The following TBL1X variants were observed in gnomAD, a reference collection of about 807,000 sequenced individuals.
The protein encoded by TBL1X is F-box-like/WD repeat-containing protein TBL1X.
TBL1X carries 10 observed loss-of-function variants against 50.7 expected under a neutral mutation model. The observed-to-expected ratio is 0.20, with a 90% CI of 0.12 to 0.33. TBL1X has a LOEUF of 0.33. Ranked by LOEUF, TBL1X falls within the 10% of genes least tolerant of loss-of-function variation. The pLI, the probability that TBL1X is intolerant of heterozygous loss-of-function variation, is 1.00. For missense variants in TBL1X, 340 were observed against 504.4 expected (o/e 0.67, Z 3.12); for synonymous variants, 190 against 214.7 (o/e 0.88, Z 1.01).
intron 2 of TBL1X, among the ~76,000 whole-genome samples, chrX:9,585,952 A>G (rs945742390): frequency 3.6e-5 from 4 of 111,988 alleles, no homozygotes; most frequent in Middle Eastern, 4.2e-3. Flanking sequence ...TAAACTACAC[A>G]TTAATGTGGG....
At chrX:9,684,687 C>G (rs1232974797) in intron 6 of TBL1X, among the ~76,000 whole-genome samples, 3 of 109,613 alleles carry the variant, frequency 2.7e-5, no homozygotes, top group African/African-American at 1.0e-4. Flanking sequence ...CACACAGCAG[C>G]AAGCTTCCAG....
At position 9,465,428 on chromosome X, in the gene TBL1X, G is replaced by A. The variant is rs2146916432; in HGVS notation, c.-220G>A. On this transcript the variant is annotated 5_prime_UTR_variant, in exon 1 of 18. Transcript: ENST00000645353. ...GGCCGGGCGCGCGGCGCCGCCACAA[G>A]TTGCGCTGCTCGCGACGAGGTGAGT... 9.0e-6 allele frequency: 1 copy of A among 111,150 alleles called. No homozygotes were observed. Among genetic ancestry groups the A allele is most frequent in the Admixed American group, 9.3e-5 (1 of 10,738 alleles). 9.2% of individuals were successfully genotyped at this position (111,150 alleles called of 1,213,427 possible).
At chrX:9,661,006 G>A (rs893841162) in intron 5 of TBL1X, among the ~76,000 whole-genome samples, 7 of 111,849 alleles carry the variant, frequency 6.3e-5, no homozygotes, top group African/African-American at 1.3e-4. Context: ...TCTATGAATC[G>A]GGAAGCGGGT....
At chrX:9,697,558 G>A in intron 12 of TBL1X, 129 bp downstream of exon 12, 1 of 936,809 alleles carries the variant, frequency 1.1e-6, no homozygotes, top group Non-Finnish European at 1.5e-6. Flanking sequence ...GATTGCATGA[G>A]GTCAGGAGTT....
At chrX:9,696,132 T>G (rs965056872) in intron 11 of TBL1X, among the ~76,000 whole-genome samples, 5 of 112,914 alleles carry the variant, frequency 4.4e-5, no homozygotes, top group African/African-American at 1.6e-4. Context: ...ACATTTAACA[T>G]AAACATCAAC....
chrX:9,633,585 A>G (rs1009329207), intron 2 of TBL1X, among the ~76,000 whole-genome samples: 3 of 112,046 alleles, frequency 2.7e-5, no homozygotes, highest in Non-Finnish European at 3.8e-5. Flanking sequence ...TTATGATATT[A>G]AAAGTAACTT....
intron 3 of TBL1X, 40 bp from the exon 4 acceptor site, chrX:9,653,505 A>G: frequency 1.2e-6 from 1 of 856,161 alleles, no homozygotes; most frequent in African/African-American, 2.0e-5. Context: ...CACAAATGAC[A>G]GAGGTGCTCC....
In TBL1X at chrX:9,701,123, C is replaced by T. The variant is rs912826514; in HGVS notation, c.1114+3694C>T. Among the ~76,000 whole-genome samples, 3 of 110,862 alleles carry T rather than the reference C, an allele frequency of 2.7e-5. No individual in the cohort carries two copies. In the Admixed American group the frequency reaches 2.9e-4, roughly 11 times the overall value. On this transcript the variant is annotated intron_variant, in intron 12 of 17. Transcript: ENST00000645353. ...TGATAAAATGACAGCACTCTACAGG[C>T]AAATTGCACCAGTGTCAGCTTGCCA...
chrX:9,546,405 T>C (rs975778074), intron 2 of TBL1X, among the ~76,000 whole-genome samples: 3 of 111,527 alleles, frequency 2.7e-5, no homozygotes, highest in Non-Finnish European at 3.8e-5. Flanking sequence ...TCCCAGCTAC[T>C]GGGGAGGCTA....
chrX:9,705,716 G>T (rs1469115089), intron 13 of TBL1X, among the ~76,000 whole-genome samples: 4 of 76,791 alleles, frequency 5.2e-5, no homozygotes, highest in African/African-American at 1.9e-4. Context: ...GCAAGACCTT[G>T]TCTCTTTAAA....
intron 2 of TBL1X, among the ~76,000 whole-genome samples, chrX:9,559,636 T>G (rs2082315832): frequency 9.0e-6 from 1 of 111,647 alleles, no homozygotes; most frequent in South Asian, 3.8e-4. Context: ...TTTACTGGAA[T>G]AAAAAAAATT....
Position 9,471,238 on chromosome X carries a change from A to G in TBL1X, c.-201+5791A>G, listed in dbSNP as rs970533718. Among the ~76,000 whole-genome samples, 3 of 112,403 alleles carry G rather than the reference A, an allele frequency of 2.7e-5. No individual in the cohort carries two copies. In the Admixed American group the frequency reaches 2.8e-4, roughly 11 times the overall value. ...GCCATATGTCGCTTTCTGTGATCTC[A>G]TGACGTGGCATGTTTTCTAATATAA... On this transcript the variant is annotated intron_variant, in intron 1 of 17. Coordinates refer to ENST00000645353, the MANE Select transcript of TBL1X (RefSeq NM_005647.4).
intron 2 of TBL1X, among the ~76,000 whole-genome samples, chrX:9,560,911 G>T (rs5979118): frequency 0.015 from 1,638 of 111,834 alleles, 23 homozygotes; most frequent in African/African-American, 0.051. Flanking sequence ...AAGTCCCAGA[G>T]AACTGTGTCA....
chrX:9,585,171 C>T (rs1041456784), intron 2 of TBL1X, among the ~76,000 whole-genome samples: 4 of 111,405 alleles, frequency 3.6e-5, no homozygotes, highest in Non-Finnish European at 7.5e-5. Context: ...CAGACACCAA[C>T]GCAAGCACAA....
chrX:9,481,785 C>T (rs770277931), intron 1 of TBL1X, among the ~76,000 whole-genome samples: 6 of 112,142 alleles, frequency 5.4e-5, no homozygotes, highest in Middle Eastern at 4.6e-3. Context: ...TTTGCAGGCA[C>T]AGATAAATCC....
chrX:9,615,622 T>G (rs1415043416), intron 2 of TBL1X, among the ~76,000 whole-genome samples: 1 of 112,453 alleles, frequency 8.9e-6, no homozygotes, highest in Non-Finnish European at 1.9e-5. Flanking sequence ...TGCTGAGTTT[T>G]AGCCCTGTAA....
chrX:9,555,818 G>C (rs1338107787), intron 2 of TBL1X, among the ~76,000 whole-genome samples: 1 of 111,752 alleles, frequency 8.9e-6, no homozygotes, highest in Non-Finnish European at 1.9e-5. Flanking sequence ...TGGGAGAAAG[G>C]AGTCAGGCCC....
At chrX:9,560,596 T>TAA (rs199820927) in intron 2 of TBL1X, 5,746 of 111,673 alleles carry the variant, frequency 0.051, 355 homozygotes, top group African/African-American at 0.18. Context: ...AGAGAGTTGT[T>TAA]AAGAGTTGGT....
intron 1 of TBL1X, among the ~76,000 whole-genome samples, chrX:9,490,222 C>T (rs1304284102): frequency 1.8e-5 from 2 of 111,608 alleles, no homozygotes; most frequent in South Asian, 3.8e-4. Context: ...CCTCCCACCT[C>T]GGCCTCCCAA....
Sources: allele counts gnomAD v4.1 joint callset (sites outside exome capture counted in the v4.1 genomes callset), GRCh38; gene constraint gnomAD v4.1.1; transcripts MANE v1.5; gene names NCBI Gene and HGNC (gene_info 2026-07-23, HGNC 2026-07-21).